The following USP50 variants were observed in gnomAD, a reference collection of about 807,000 sequenced individuals.
The protein encoded by USP50 is ubiquitin carboxyl-terminal hydrolase 50.
A neutral mutation model predicts 39.2 loss-of-function variants in USP50; 37 were observed. The observed-to-expected ratio is 0.94, with a 90% CI of 0.73 to 1.24. The LOEUF (loss-of-function observed/expected upper bound fraction) is 1.24. Ranked by LOEUF, USP50 falls within the 50% of genes most tolerant of loss-of-function variation. USP50 has a pLI of 0.00. For synonymous variants in USP50, 139 were observed against 144.5 expected (o/e 0.96, Z 0.27); for missense variants, 374 against 398.2 (o/e 0.94, Z 0.52).
Position 50,538,740 on chromosome 15 carries a change from C to T in USP50, c.772G>A (p.Ala258Thr). The T allele has an allele frequency of 6.2e-7, 1 of 1,606,680 alleles. No homozygotes were observed. Among genetic ancestry groups the T allele is most frequent in the South Asian group, 1.1e-5 (1 of 89,140 alleles). ...AGGTGGAAAATAATTATTTTTGGTGCTTTGGAAATACTGGCCCTCACAGCA... is the reference window on the plus strand; with the variant it reads ...AGGTGGAAAATAATTATTTTTGGTGTTTTGGAAATACTGGCCCTCACAGCA... ...ETAVRASISK[A>T]PKIIIFHLKR... Residue 258 changes from alanine to threonine, a missense_variant, in exon 5 of 7, where the codon GCA (alanine) becomes ACA (threonine). Physicochemically the swap from Ala to Thr is moderately conservative, Grantham distance 58. Transcript: ENST00000532404.
downstream of USP50, chr15:50,493,848 T>G (rs2052271163): frequency 2.9e-6 from 2 of 683,482 alleles, no homozygotes; most frequent in East Asian, 2.8e-5. Context: ...CTGTTGATGA[T>G]GAGGAGACCA....
chr15:50,529,891 G>A lies in USP50; in HGVS notation c.842C>T (p.Thr281Met), dbSNP rs557823387. 2.3e-5 allele frequency: 37 copies of A among 1,613,954 alleles called. No individual in the cohort carries two copies. Among genetic ancestry groups the A allele is most frequent in the Middle Eastern group, 1.6e-4 (1 of 6,062 alleles). Residue 281 changes from threonine to methionine, a missense_variant, in exon 6 of 7, where the codon ACG becomes ATG. Transcript: ENST00000532404. ...GTTAGTGAGTGGGTAATGAATATCC[G>A]TTCTCAGCTTCCTTTTTGTTGTACC... The part of the protein sequence containing the change: ...IQGTTKRKLR[T>M]DIHYPLTNLD...
intron 2 of USP50, chr15:50,544,026 G>A: frequency 2.0e-6 from 1 of 508,766 alleles, no homozygotes; most frequent in Non-Finnish European, 3.6e-6. Flanking sequence ...GAACAAGACT[G>A]TCTAAAAGAA....
chr15:50,532,325 C>A, intron 5 of USP50: 1 of 418,762 alleles, frequency 2.4e-6, no homozygotes, highest in South Asian at 1.7e-5. Context: ...AGAGCCTAAC[C>A]TGCTGGGGTC....
intron 5 of USP50, among the ~76,000 whole-genome samples, chr15:50,532,584 C>G (rs147210614): frequency 2.0e-5 from 3 of 152,286 alleles, no homozygotes; most frequent in African/African-American, 7.2e-5. Flanking sequence ...TTCATCATAT[C>G]TGGCTATCAG....
In USP50 at chr15:50,546,454, G is replaced by A. The variant is rs2053071724; in HGVS notation, c.53+19C>T. ...CACCACTGGGCTAATCTAGAAAGCTGTAGTAGATCAAGGCTCACAGGACGT... is the reference window on the plus strand; with the variant it reads ...CACCACTGGGCTAATCTAGAAAGCTATAGTAGATCAAGGCTCACAGGACGT... On this transcript the variant is annotated intron_variant, in intron 1 of 6. Transcript: ENST00000532404. 1 of 1,612,906 alleles carries A rather than the reference G, an allele frequency of 6.2e-7. No homozygotes were observed. Among genetic ancestry groups the A allele is most frequent in the South Asian group, 1.1e-5 (1 of 91,080 alleles).
At chr15:50,494,412 A>G (rs556935036) in intron 1 of USP50, 11 of 714,308 alleles carry the variant, frequency 1.5e-5, no homozygotes, top group Non-Finnish European at 2.4e-5. Context: ...ACTGTATAAG[A>G]GAATTATAAA....
chr15:50,516,407 T>G (rs904037478), intron 6 of USP50, among the ~76,000 whole-genome samples: 48 of 152,072 alleles, frequency 3.2e-4, no homozygotes, highest in African/African-American at 1.1e-3. Context: ...GAGACCAGAC[T>G]GCCCAAAGAG....
chr15:50,493,053 C>G (rs2052237223), downstream of USP50: 1 of 920,108 alleles, frequency 1.1e-6, no homozygotes, highest in Admixed American at 2.0e-5. Context: ...AATTTATTTT[C>G]TCTTAGTTCT....
downstream of USP50, chr15:50,499,725 T>A (rs1595999146): frequency 6.6e-6 from 1 of 152,166 alleles, no homozygotes; most frequent in Non-Finnish European, 1.5e-5. Flanking sequence ...TTAATTTTTT[T>A]AAAACGAGAA....
At chr15:50,498,739 C>G, downstream of USP50, 3 of 1,587,338 alleles carry the variant, frequency 1.9e-6, no homozygotes, top group South Asian at 1.2e-5. Flanking sequence ...GTAAGTATCT[C>G]TTTGAACTGA....
intron 6 of USP50, chr15:50,502,447 C>T (rs750757449): frequency 6.6e-5 from 10 of 152,462 alleles, no homozygotes; most frequent in Admixed American, 2.0e-4. Context: ...CAGCTCACCA[C>T]AACCTCTGCT....
At chr15:50,521,787 A>AC (rs527763426) in intron 6 of USP50, among the ~76,000 whole-genome samples, 41 of 152,142 alleles carry the variant, frequency 2.7e-4, no homozygotes, top group African/African-American at 9.2e-4. Context: ...ACACAGTGAA[A>AC]CCCCCATCTC....
Position 50,544,727 on chromosome 15 carries a change from G to T in USP50, c.108C>A (p.Asn36Lys). ...CAGTGACACCCTGAAAATGGGGCTG[G>T]TTCCCATCAGCCTCCTTAACTGGAA... ...DTLPVKEADG[N>K]QPHFQGVTGL... Residue 36 changes from asparagine to lysine, a missense_variant, in exon 2 of 7, where the codon AAC becomes AAA. By Grantham distance (94) the Asn-to-Lys change is moderately conservative. Transcript: ENST00000532404. The T allele has an allele frequency of 6.2e-7, 1 of 1,613,986 alleles. No individual in the cohort carries two copies. Among genetic ancestry groups the T allele is most frequent in the Non-Finnish European group, 8.5e-7 (1 of 1,179,888 alleles).
At chr15:50,534,488 C>G (rs2052965054) in intron 5 of USP50, among the ~76,000 whole-genome samples, 1 of 152,094 alleles carries the variant, frequency 6.6e-6, no homozygotes, top group Non-Finnish European at 1.5e-5. Flanking sequence ...GTAACAAATA[C>G]AACAGATATT....
intron 2 of USP50, 58 bp downstream of exon 2, chr15:50,544,529 C>T: frequency 6.6e-7 from 1 of 1,518,366 alleles, no homozygotes; most frequent in Non-Finnish European, 8.9e-7. Context: ...CTTCTCTAAC[C>T]TCATCTGTGG....
At chr15:50,523,692 T>A (rs1446229765) in intron 6 of USP50, among the ~76,000 whole-genome samples, 2 of 152,144 alleles carry the variant, frequency 1.3e-5, no homozygotes, top group Admixed American at 6.6e-5. Flanking sequence ...TTAACATTGC[T>A]AAAATGTCCA....
intron 1 of USP50, among the ~76,000 whole-genome samples, chr15:50,545,286 G>C (rs1320365893): frequency 6.6e-6 from 1 of 151,832 alleles, no homozygotes; most frequent in Non-Finnish European, 1.5e-5. Context: ...CACTATTTAA[G>C]TACTTAACAT....
intron 6 of USP50, among the ~76,000 whole-genome samples, chr15:50,516,513 AG>A (rs1490797203): frequency 1.3e-5 from 2 of 152,146 alleles, no homozygotes; most frequent in Admixed American, 1.3e-4. Flanking sequence ...GCTACTCAGA[AG>A]GCTGAGGCAG....
Sources: allele counts gnomAD v4.1 joint callset (sites outside exome capture counted in the v4.1 genomes callset), GRCh38; gene constraint gnomAD v4.1.1; transcripts MANE v1.5; gene names NCBI Gene and HGNC (gene_info 2026-07-23, HGNC 2026-07-21).